The following NSMCE2 variants were observed in gnomAD, a reference collection of about 807,000 sequenced individuals.
NSMCE2 encodes the protein NSE2 SUMO ligase component of SMC5/6 complex, also known as E3 SUMO-protein ligase NSE2.
A neutral mutation model predicts 23.8 loss-of-function variants in NSMCE2; 24 were observed. That is an observed-to-expected ratio of 1.01 (90% CI 0.73 to 1.42). NSMCE2 has a LOEUF of 1.42. NSMCE2 is among the 40% of genes most tolerant of loss of function. NSMCE2 has a pLI of 0.00. For synonymous variants in NSMCE2, 92 were observed against 94.1 expected (o/e 0.98, Z 0.13); for missense variants, 284 against 296.5 (o/e 0.96, Z 0.31).
rs573373152 is a variant in NSMCE2 at position 125,348,375 on chromosome 8, T to C, written c.419-8844T>C. The C allele has an allele frequency of 1.2e-3, 179 of 152,336 alleles. 1 individual carries two copies. Among genetic ancestry groups the C allele is most frequent in the African/African-American group, 4.0e-3 (166 of 41,578 alleles). The allele number at this position is 152,336 out of a possible 1,614,324, so 9.4% of individuals were successfully genotyped here. On this transcript the variant is annotated intron_variant, in intron 5 of 7. Transcript: ENST00000287437. ...TGAACTTTGCCATCCTGTGAGGTTGTAACATCTAGGGAATCTTTCATTGTG... is the reference window on the plus strand; with the variant it reads ...TGAACTTTGCCATCCTGTGAGGTTGCAACATCTAGGGAATCTTTCATTGTG...
intron 1 of NSMCE2, among the ~76,000 whole-genome samples, chr8:125,093,189 G>A (rs1225053716): frequency 6.6e-6 from 1 of 152,166 alleles, no homozygotes; most frequent in Non-Finnish European, 1.5e-5. Context: ...TTCTTGCTGT[G>A]TCCTCACATG....
chr8:125,335,192 C>T (rs1302729321), intron 5 of NSMCE2, among the ~76,000 whole-genome samples: 4 of 152,146 alleles, frequency 2.6e-5, no homozygotes, highest in Non-Finnish European at 5.9e-5. Context: ...AAGGGAGGGG[C>T]TGTAATGACA....
intron 4 of NSMCE2, among the ~76,000 whole-genome samples, chr8:125,181,342 G>T (rs1318736943): frequency 6.6e-6 from 1 of 152,150 alleles, no homozygotes; most frequent in African/African-American, 2.4e-5. Context: ...AAAGTTTGTT[G>T]TGAAGGAGAT....
chr8:125,355,068 A>G (rs962476879), intron 5 of NSMCE2, among the ~76,000 whole-genome samples: 1 of 152,214 alleles, frequency 6.6e-6, no homozygotes, highest in African/African-American at 2.4e-5. Context: ...AAGATATTTC[A>G]TCATGCTTAT....
At chr8:125,183,009 T>C (rs1039050599) in intron 5 of NSMCE2, among the ~76,000 whole-genome samples, 5 of 152,212 alleles carry the variant, frequency 3.3e-5, no homozygotes, top group African/African-American at 1.2e-4. Context: ...TATTTAGTCC[T>C]GTAGTCTTTG....
At chr8:125,242,668 C>T (rs1825806636) in intron 5 of NSMCE2, among the ~76,000 whole-genome samples, 1 of 152,148 alleles carries the variant, frequency 6.6e-6, no homozygotes, top group South Asian at 2.1e-4. Context: ...GAGCTAGAGA[C>T]CTGGGTGAAC....
At chr8:125,279,199 C>A (rs569381355) in intron 5 of NSMCE2, among the ~76,000 whole-genome samples, 339 of 152,206 alleles carry the variant, frequency 2.2e-3, no homozygotes, top group African/African-American at 7.7e-3. Context: ...GATGTGGTTC[C>A]GTGCACCTGG....
intron 3 of NSMCE2, among the ~76,000 whole-genome samples, chr8:125,131,316 G>A (rs1035051907): frequency 4.6e-5 from 7 of 152,174 alleles, no homozygotes; most frequent in African/African-American, 1.7e-4. Flanking sequence ...GCTGGCAGCA[G>A]TGTTAAGGCT....
intron 5 of NSMCE2, among the ~76,000 whole-genome samples, chr8:125,279,755 T>C (rs905324631): frequency 2.0e-5 from 3 of 152,254 alleles, no homozygotes; most frequent in Non-Finnish European, 4.4e-5. Context: ...TGACTGTTCA[T>C]ACTTGCCTAT....
intron 5 of NSMCE2, among the ~76,000 whole-genome samples, chr8:125,342,053 C>G (rs116283236): frequency 1.3e-5 from 2 of 152,130 alleles, no homozygotes; most frequent in African/African-American, 4.8e-5. Flanking sequence ...CCTGGGGACC[C>G]CTGAGTGAGA....
chr8:125,282,632 A>G (rs1314704492), intron 5 of NSMCE2, among the ~76,000 whole-genome samples: 1 of 152,228 alleles, frequency 6.6e-6, no homozygotes, highest in Non-Finnish European at 1.5e-5. Flanking sequence ...GCTGTACTTC[A>G]GACTGTGTCA....
chr8:125,187,735 T>A (rs1421319959), intron 5 of NSMCE2, among the ~76,000 whole-genome samples: 1 of 152,102 alleles, frequency 6.6e-6, no homozygotes, highest in African/African-American at 2.4e-5. Flanking sequence ...AGATTGAGAT[T>A]TAGAAACTTT....
intron 5 of NSMCE2, among the ~76,000 whole-genome samples, chr8:125,281,124 CACTG>C (rs1266075643): frequency 6.6e-6 from 1 of 152,174 alleles, no homozygotes; most frequent in Non-Finnish European, 1.5e-5. Context: ...CAGACTTTGC[CACTG>C]ACTGTCTTTC....
intron 3 of NSMCE2, among the ~76,000 whole-genome samples, chr8:125,149,240 G>T (rs1820857153): frequency 6.6e-6 from 1 of 152,174 alleles, no homozygotes; most frequent in African/African-American, 2.4e-5. Flanking sequence ...TGCCTGGATA[G>T]TAAAAGCTGA....
intron 5 of NSMCE2, among the ~76,000 whole-genome samples, chr8:125,248,088 T>G (rs541320894): frequency 6.6e-6 from 1 of 152,324 alleles, no homozygotes; most frequent in South Asian, 2.1e-4. Flanking sequence ...ATGTTAAATC[T>G]AAAATTTATA....
At chr8:125,287,658 CAG>C (rs775456157) in intron 5 of NSMCE2, among the ~76,000 whole-genome samples, 1 of 152,206 alleles carries the variant, frequency 6.6e-6, no homozygotes, top group Non-Finnish European at 1.5e-5. Flanking sequence ...ATGAAACAGA[CAG>C]AGGAGAGAGA....
intron 3 of NSMCE2, among the ~76,000 whole-genome samples, chr8:125,143,062 C>T (rs1820465585): frequency 6.6e-6 from 1 of 152,014 alleles, no homozygotes; most frequent in Non-Finnish European, 1.5e-5. Context: ...GATTACTTAA[C>T]ATTAGGCTCC....
chr8:125,365,584 G>A (rs558721646), intron 7 of NSMCE2, among the ~76,000 whole-genome samples: 4 of 152,242 alleles, frequency 2.6e-5, no homozygotes, highest in South Asian at 2.1e-4. Context: ...GTCCAGGCAC[G>A]GTGGCTCATG....
chr8:125,250,413 C>A (rs566125684), intron 5 of NSMCE2, among the ~76,000 whole-genome samples: 1 of 152,212 alleles, frequency 6.6e-6, no homozygotes, highest in South Asian at 2.1e-4. Flanking sequence ...GTGTTATAGC[C>A]TATTAAGGTT....
Sources: allele counts gnomAD v4.1 joint callset (sites outside exome capture counted in the v4.1 genomes callset), GRCh38; gene constraint gnomAD v4.1.1; transcripts MANE v1.5; gene names NCBI Gene and HGNC (gene_info 2026-07-23, HGNC 2026-07-21).